Variants in DACH2 observed in about 807,000 individuals in gnomAD.
DACH2 encodes dachshund family transcription factor 2.
A neutral mutation model predicts 35.8 loss-of-function variants in DACH2; 17 were observed. The observed-to-expected ratio is 0.48, with a 90% CI of 0.33 to 0.71. DACH2 has a LOEUF of 0.71. Among genes scored for constraint, DACH2 ranks in the 30% least tolerant of loss-of-function variants. The probability of loss-of-function intolerance (pLI) is 0.02; values close to 1 mark genes in which losing one functional copy is unlikely to be tolerated. For synonymous variants in DACH2, 195 were observed against 177.3 expected, an observed-to-expected ratio of 1.10 and a Z score of -0.79; for missense variants, 469 against 472.7, an observed-to-expected ratio of 0.99 and a Z score of 0.07.
intron 2 of DACH2, among the ~76,000 whole-genome samples, chrX:86,456,248 G>A (rs2037472955): frequency 8.9e-6 from 1 of 112,411 alleles, no homozygotes; most frequent in Non-Finnish European, 1.9e-5. Flanking sequence ...TCTGAGTGCT[G>A]TGGACTGCAG....
chrX:86,238,122 A>G (rs955875933), intron 1 of DACH2, among the ~76,000 whole-genome samples: 2 of 112,309 alleles, frequency 1.8e-5, no homozygotes, highest in African/African-American at 6.5e-5. Context: ...CATATTCACA[A>G]TAATAAATAT....
chrX:86,600,144 G>C lies in DACH2; in HGVS notation c.641-50892G>C, dbSNP rs186064357. ...GCACCTATGTTGCTGAGTGGAGGTAGAGAGAATTTCATGGCTTTTGTTGTA... is the reference window on the plus strand; with the variant it reads ...GCACCTATGTTGCTGAGTGGAGGTACAGAGAATTTCATGGCTTTTGTTGTA... On this transcript the variant is annotated intron_variant, in intron 3 of 11. Coordinates refer to ENST00000373125, the MANE Select transcript of DACH2 (RefSeq NM_053281.3). Among the ~76,000 whole-genome samples the C allele has an allele frequency of 2.0e-3, 226 of 112,350 alleles. 2 individuals carry two copies. The highest frequency in any genetic ancestry group is 7.0e-3 in the African/African-American group (216 of 30,974).
intron 2 of DACH2, among the ~76,000 whole-genome samples, chrX:86,505,441 T>C (rs2038309065): frequency 8.9e-6 from 1 of 111,786 alleles, no homozygotes; most frequent in Admixed American, 9.5e-5. Flanking sequence ...CTCCCCATCT[T>C]CCCCTCTTTT....
intron 1 of DACH2, among the ~76,000 whole-genome samples, chrX:86,372,632 T>C (rs2035904253): frequency 9.0e-6 from 1 of 110,590 alleles, no homozygotes; most frequent in South Asian, 3.8e-4. Flanking sequence ...TATTGCCAGA[T>C]CTCTCTTTTT....
intron 3 of DACH2, among the ~76,000 whole-genome samples, chrX:86,537,215 C>A (rs770630876): frequency 1.1e-4 from 12 of 111,749 alleles, no homozygotes; most frequent in Middle Eastern, 9.3e-3. Flanking sequence ...TGAGCTATGG[C>A]TGCGTGGCTT....
intron 1 of DACH2, among the ~76,000 whole-genome samples, chrX:86,230,656 C>A (rs191394456): frequency 3.0e-4 from 33 of 111,402 alleles, no homozygotes; most frequent in Non-Finnish European, 4.9e-4. Flanking sequence ...ACCATTTCAA[C>A]CTCACTGCTT....
Position 86,524,816 on chromosome X carries a change from A to C in DACH2, c.640+10425A>C, listed in dbSNP as rs1283165962. On this transcript the variant is annotated intron_variant, in intron 3 of 11. Transcript: ENST00000373125. ...TTCTGGAGGTGGAGGGGAGAAATTT[A>C]AGCAAACCTATAGGATGTTGGTGAT... Among the ~76,000 whole-genome samples the C allele has an allele frequency of 3.1e-4, 35 of 111,214 alleles. No individual in the cohort carries two copies. In the Admixed American group the frequency reaches 3.4e-3, roughly 11 times the overall value.
At chrX:86,149,129 C>T (rs1381213969) in intron 1 of DACH2, 21 bp downstream of exon 1, 3 of 1,161,261 alleles carry the variant, frequency 2.6e-6, no homozygotes, top group African/African-American at 3.6e-5. Flanking sequence ...CGTTTCTTGG[C>T]TCTCCCACTT....
intron 1 of DACH2, among the ~76,000 whole-genome samples, chrX:86,207,941 C>T (rs973353998): frequency 3.6e-5 from 4 of 111,030 alleles, no homozygotes; most frequent in African/African-American, 1.3e-4. Context: ...TTTTATTCTA[C>T]TTTAGTTTTT....
At chrX:86,812,203 A>C (rs2042400906) in intron 7 of DACH2, among the ~76,000 whole-genome samples, 1 of 111,985 alleles carries the variant, frequency 8.9e-6, no homozygotes, top group Non-Finnish European at 1.9e-5. Context: ...GGCACAAAAA[A>C]ACCATGTATC....
At chrX:86,239,376 C>T (rs928925435) in intron 1 of DACH2, among the ~76,000 whole-genome samples, 1 of 111,355 alleles carries the variant, frequency 9.0e-6, no homozygotes, top group African/African-American at 3.3e-5. Flanking sequence ...CTACCACCTG[C>T]CAAGGGACAA....
At chrX:86,242,743 G>T (rs2033193359) in intron 1 of DACH2, among the ~76,000 whole-genome samples, 1 of 111,324 alleles carries the variant, frequency 9.0e-6, no homozygotes, top group African/African-American at 3.3e-5. Context: ...GGGACCTGGT[G>T]GGAGGTAATT....
chrX:86,687,781 C>T (rs1399391087), intron 4 of DACH2, among the ~76,000 whole-genome samples: 2 of 110,078 alleles, frequency 1.8e-5, no homozygotes, highest in African/African-American at 6.6e-5. Flanking sequence ...TCTCAGCAAA[C>T]TATCACAAGA....
At chrX:86,441,603 A>G (rs1280406520) in intron 2 of DACH2, among the ~76,000 whole-genome samples, 1 of 109,234 alleles carries the variant, frequency 9.2e-6, no homozygotes, top group Admixed American at 1.0e-4. Flanking sequence ...GCTGTAATAA[A>G]CATGGGAATG....
intron 1 of DACH2, among the ~76,000 whole-genome samples, chrX:86,363,364 C>T (rs2035764014): frequency 9.0e-6 from 1 of 110,658 alleles, no homozygotes; most frequent in Non-Finnish European, 1.9e-5. Context: ...GAAAATTTCC[C>T]GTCTGGTAAT....
At chrX:86,460,624 G>C (rs767670624) in intron 2 of DACH2, among the ~76,000 whole-genome samples, 2 of 110,534 alleles carry the variant, frequency 1.8e-5, no homozygotes, top group South Asian at 7.6e-4. Context: ...TTTAGATTAT[G>C]AATTATTCAT....
chrX:86,397,418 C>A (rs1227791542), intron 2 of DACH2, among the ~76,000 whole-genome samples: 3 of 111,430 alleles, frequency 2.7e-5, no homozygotes, highest in African/African-American at 9.8e-5. Flanking sequence ...CCAGAACTTC[C>A]AACACTATGG....
intron 2 of DACH2, among the ~76,000 whole-genome samples, chrX:86,394,410 TTG>T (rs1301901796): frequency 9.0e-4 from 101 of 111,864 alleles, no homozygotes; most frequent in African/African-American, 3.2e-3. Flanking sequence ...AGAATATCAA[TTG>T]TTTTATGAAA....
intron 3 of DACH2, among the ~76,000 whole-genome samples, chrX:86,602,512 G>C (rs1237320711): frequency 1.8e-5 from 2 of 112,016 alleles, no homozygotes; most frequent in African/African-American, 6.5e-5. Context: ...TGAGAAATTG[G>C]TAATATCAGT....
Sources: gnomAD v4.1 joint callset for allele counts (sites outside exome capture counted in the v4.1 genomes callset) on GRCh38, gnomAD v4.1.1 for gene constraint, MANE v1.5 for transcripts, NCBI Gene and HGNC (gene_info 2026-07-23, HGNC 2026-07-21) for gene names.